The following COPG2 variants were observed in gnomAD, a reference collection of about 807,000 sequenced individuals.
COPG2 encodes the protein coatomer subunit gamma-2.
A neutral mutation model predicts 46.3 loss-of-function variants in COPG2; 37 were observed. The ratio of observed to expected loss-of-function variants is 0.80; its 90% CI spans 0.61 to 1.05. The LOEUF (loss-of-function observed/expected upper bound fraction) is 1.05, where lower values mean the gene tolerates loss of function less well. Among genes scored for constraint, COPG2 ranks in the 50% least tolerant of loss-of-function variants. The probability of loss-of-function intolerance (pLI) is 0.00; values close to 1 mark genes in which losing one functional copy is unlikely to be tolerated. For missense variants in COPG2, 427 were observed against 387.8 expected, an observed-to-expected ratio of 1.10 and a Z score of -0.85; for synonymous variants, 159 against 129.7, an observed-to-expected ratio of 1.23 and a Z score of -1.53.
At position 130,564,122 on chromosome 7, in the gene COPG2, T is replaced by A. The variant is rs1023427048; in HGVS notation, c.871+138A>T. 345 of 396,718 alleles carry A rather than the reference T, an allele frequency of 8.7e-4. 1 individual carries two copies. Among genetic ancestry groups the A allele is most frequent in the African/African-American group, 6.7e-3 (328 of 48,698 alleles). 24.6% of individuals were successfully genotyped at this position (396,718 alleles called of 1,614,324 possible). A position where few individuals can be genotyped will look rare whatever the true frequency, so the allele number is the denominator to read the frequency against. The stretch of plus-strand genomic sequence containing the variant: ...ACAACTAAAATAAACTATCTACATA[T>A]AAGCTATCAGAATGCAAAGGCTATA... On this transcript the variant is annotated intron_variant, in intron 10 of 23. Coordinates refer to ENST00000425248, the MANE Select transcript of COPG2 (RefSeq NM_012133.6).
chr7:130,550,580 G>A lies in COPG2; in HGVS notation c.1718C>T (p.Pro573Leu), dbSNP rs933494360. Residue 573 changes from proline (P) to leucine (L), a missense_variant, in exon 17 of 24, where the codon CCG becomes CTG. Pro to Leu is a moderately conservative substitution (Grantham distance 98). Transcript: ENST00000425248. ...AAGAGGAATTGATTTCATGTCAAAC[G>A]GTTTTTCTGAAGGCTCCAACGTGTA... ...HQYTLEPSEK[P>L]FDMKSIPLAM... 2 of 398,070 alleles carry A rather than the reference G, an allele frequency of 5.0e-6. No individual in the cohort carries two copies. Among genetic ancestry groups the A allele is most frequent in the African/African-American group, 4.1e-5 (2 of 48,546 alleles). The allele number at this position is 398,070 out of a possible 1,614,324, so 24.7% of individuals were successfully genotyped here.
At chr7:130,606,329 AGAAGGAAGGAAGAAG>A (rs1554451243) in intron 9 of COPG2, among the ~76,000 whole-genome samples, 2 of 152,044 alleles carry the variant, frequency 1.3e-5, no homozygotes, top group African/African-American at 4.8e-5. Flanking sequence ...AGAAAGAGAA[AGAAGGAAGGAAGAAG>A]GAAGGAAGGA....
chr7:130,564,620 T>C, intron 9 of COPG2: 1 of 352,802 alleles, frequency 2.8e-6, no homozygotes, highest in Non-Finnish European at 5.0e-6. Flanking sequence ...CCTGAACATC[T>C]ATTTAAGAAA....
chr7:130,656,341 TA>T (rs1427051638), intron 4 of COPG2, among the ~76,000 whole-genome samples: 1 of 151,654 alleles, frequency 6.6e-6, no homozygotes, highest in Non-Finnish European at 1.5e-5. Flanking sequence ...TTCCTAGAAA[TA>T]AAAGAGAGAA....
chr7:130,516,781 TC>T (rs1799681613), intron 20 of COPG2, among the ~76,000 whole-genome samples: 1 of 152,162 alleles, frequency 6.6e-6, no homozygotes, highest in Non-Finnish European at 1.5e-5. Flanking sequence ...GGTTTTGCTG[TC>T]CAGGAAGCTT....
intron 20 of COPG2, among the ~76,000 whole-genome samples, chr7:130,538,504 C>A (rs1220835511): frequency 1.3e-5 from 2 of 151,960 alleles, no homozygotes; most frequent in Non-Finnish European, 2.9e-5. Flanking sequence ...CAAGGCCAAC[C>A]CATAGGATTA....
intron 5 of COPG2, among the ~76,000 whole-genome samples, chr7:130,629,814 A>G (rs1795193236): frequency 6.6e-6 from 1 of 152,100 alleles, no homozygotes; most frequent in Admixed American, 6.5e-5. Flanking sequence ...ATCTTCAGGT[A>G]CATTTATTCT....
intron 9 of COPG2, among the ~76,000 whole-genome samples, chr7:130,601,296 A>G (rs782784911): frequency 1.3e-4 from 20 of 152,230 alleles, no homozygotes; most frequent in Non-Finnish European, 2.8e-4. Context: ...CATTTGACCC[A>G]GCAATCCCAT....
chr7:130,630,461 A>G (rs376113152), intron 5 of COPG2, among the ~76,000 whole-genome samples: 1 of 152,166 alleles, frequency 6.6e-6, no homozygotes, highest in Non-Finnish European at 1.5e-5. Flanking sequence ...GGATTCCACA[A>G]ATTTTCTACA....
intron 20 of COPG2, among the ~76,000 whole-genome samples, chr7:130,538,220 A>C: frequency 6.6e-6 from 1 of 152,218 alleles, no homozygotes; most frequent in Non-Finnish European, 1.5e-5. Context: ...AAGTGGGAGG[A>C]AACAGTGGTG....
In COPG2 at chr7:130,626,740, TTGACACC is replaced by T. The variant is rs1268732425; in HGVS notation, c.324-9682_324-9676del. Among the ~76,000 whole-genome samples, 5 of 152,216 alleles carry T rather than the reference TTGACACC, an allele frequency of 3.3e-5. No individual in the cohort carries two copies. The East Asian group carries it at 9.6e-4, about 29-fold the overall frequency. ...TATCCACCTTTCCTTCCTTTTCCCA[TTGACACC>T]TGATTGCCAAAAGGCACTTCTTTTT... On this transcript the variant is annotated intron_variant, in intron 5 of 23. Transcript: ENST00000425248.
chr7:130,537,187 AG>A (rs1799888474), intron 20 of COPG2, among the ~76,000 whole-genome samples: 1 of 152,154 alleles, frequency 6.6e-6, no homozygotes, highest in South Asian at 2.1e-4. Flanking sequence ...TCAGAGGCAG[AG>A]GCTCCCCAGA....
intron 9 of COPG2, among the ~76,000 whole-genome samples, chr7:130,602,382 A>G (rs935068452): frequency 3.3e-5 from 5 of 152,094 alleles, no homozygotes. Context: ...TAATATTACA[A>G]TAAAGTTTTA....
At chr7:130,578,780 A>G (rs1172261463) in intron 9 of COPG2, among the ~76,000 whole-genome samples, 1 of 151,756 alleles carries the variant, frequency 6.6e-6, no homozygotes, top group Non-Finnish European at 1.5e-5. Flanking sequence ...AAATGAAGCG[A>G]GAAGGGAAGT....
chr7:130,509,452 A>T, intron 20 of COPG2: 1 of 380,938 alleles, frequency 2.6e-6, no homozygotes, highest in Non-Finnish European at 5.1e-6. Context: ...GCTTATAGGT[A>T]CAAAAAATAT....
intron 9 of COPG2, among the ~76,000 whole-genome samples, chr7:130,567,046 T>C (rs1436930852): frequency 1.3e-5 from 2 of 152,172 alleles, no homozygotes; most frequent in African/African-American, 4.8e-5. Flanking sequence ...ATATACACCA[T>C]GGAATACTAT....
chr7:130,523,136 A>G (rs1182577322), intron 20 of COPG2, among the ~76,000 whole-genome samples: 1 of 150,554 alleles, frequency 6.6e-6, no homozygotes, highest in African/African-American at 2.4e-5. Flanking sequence ...AAAAAAAAAG[A>G]AGGCTCCAGG....
intron 20 of COPG2, among the ~76,000 whole-genome samples, chr7:130,531,207 G>T: frequency 7.0e-6 from 1 of 142,352 alleles, no homozygotes; most frequent in Non-Finnish European, 1.5e-5. Flanking sequence ...GTGGGGAGTG[G>T]GGTATGTTGA....
chr7:130,663,324 TG>T (rs201502631), intron 3 of COPG2, among the ~76,000 whole-genome samples: 3,213 of 152,304 alleles, frequency 0.021, 91 homozygotes, highest in African/African-American at 0.065. Flanking sequence ...GAAATTTTCC[TG>T]AAGTATTGTA....
Sources: allele counts gnomAD v4.1 joint callset (sites outside exome capture counted in the v4.1 genomes callset), GRCh38; gene constraint gnomAD v4.1.1; transcripts MANE v1.5; gene names NCBI Gene and HGNC (gene_info 2026-07-23, HGNC 2026-07-21).